Variants in KCNC1 observed in about 807,000 individuals in gnomAD.
The protein encoded by KCNC1 is potassium voltage-gated channel subfamily C member 1, also known as voltage-gated potassium channel KCNC1.
Under a neutral mutation model 43.4 loss-of-function variants are expected in KCNC1, and 8 were observed. The observed-to-expected ratio is 0.18, with a 90% CI of 0.11 to 0.33. The LOEUF is 0.33. Among genes scored for constraint, KCNC1 ranks in the 10% least tolerant of loss-of-function variants. KCNC1 has a pLI of 1.00. For missense variants in KCNC1, 420 were observed against 836.0 expected (o/e 0.50, Z 6.14); for synonymous variants, 361 against 360.5 (o/e 1.00, Z -0.01).
Position 17,737,486 on chromosome 11 carries a change from G to C in KCNC1, c.570+914G>C, listed in dbSNP as rs150848861. Among the ~76,000 whole-genome samples the C allele has an allele frequency of 1.1e-3, 162 of 152,242 alleles. 2 individuals are homozygous for C. Among genetic ancestry groups the C allele is most frequent in the Non-Finnish European group, 1.7e-3 (116 of 68,020 alleles). ...TAGGAAGAAAGGACACGCTGCTGCT[G>C]ACCTTGGTCCCTCAGATGGCCTCTC... On this transcript the variant is annotated intron_variant, in intron 1 of 3. Transcript: ENST00000265969.
intron 2 of KCNC1, among the ~76,000 whole-genome samples, chr11:17,778,653 TC>T (rs757562134): frequency 6.6e-6 from 1 of 151,846 alleles, no homozygotes; most frequent in Non-Finnish European, 1.5e-5. Context: ...GATGGAGTGG[TC>T]AAATTGGGTC....
In KCNC1 at chr11:17,777,556, T is replaced by G; in HGVS notation, c.1505-1900T>G. 1.0e-6 allele frequency: 1 copy of G among 985,846 alleles called. No homozygotes were observed. Among genetic ancestry groups the G allele is most frequent in the Non-Finnish European group, 1.2e-6 (1 of 829,946 alleles). 61.1% of individuals were successfully genotyped at this position (985,846 alleles called of 1,614,324 possible). On this transcript the variant is annotated intron_variant, in intron 2 of 3. Coordinates refer to ENST00000265969, the MANE Select transcript of KCNC1 (RefSeq NM_001112741.2). The surrounding 1 kb of genome is among the most constrained non-coding windows in gnomAD (Gnocchi z 4.3). The stretch of plus-strand genomic sequence containing the variant: ...GCCAGAGTGGGAGGCAGGACCAGCG[T>G]GTCTGCGAGCACACGTGTGTGCCTG...
Position 17,739,673 on chromosome 11 carries a change from CTGTGTGTGTG to C in KCNC1, c.570+3121_570+3130del, listed in dbSNP as rs10534547. Among the ~76,000 whole-genome samples, 139 of 143,112 alleles carry C rather than the reference CTGTGTGTGTG, an allele frequency of 9.7e-4. No individual in the cohort carries two copies. The highest frequency in any genetic ancestry group is 4.7e-3 in the East Asian group (22 of 4,666). The allele number at this position is 143,112 out of a possible 152,430, so 93.9% of individuals were successfully genotyped here. On this transcript the variant is annotated intron_variant, in intron 1 of 3. Coordinates refer to ENST00000265969, the MANE Select transcript of KCNC1 (RefSeq NM_001112741.2). The surrounding 1 kb of genome is among the most constrained non-coding windows in gnomAD (Gnocchi z 4.2). The stretch of plus-strand genomic sequence containing the variant: ...GTATATGTGGAGCTCATGTGTGAGT[CTGTGTGTGTG>C]TGTGTGTGTGTGTGTGTGTACATGC...
In KCNC1 at chr11:17,777,645, G is replaced by T; in HGVS notation, c.1505-1811G>T. ...GTCACATGGTGTCAGAGTTACCTTGGCAACTGGCCTTTTTGGTTCAGAGTA... is the reference window on the plus strand; with the variant it reads ...GTCACATGGTGTCAGAGTTACCTTGTCAACTGGCCTTTTTGGTTCAGAGTA... On this transcript the variant is annotated intron_variant, in intron 2 of 3. Coordinates refer to ENST00000265969, the MANE Select transcript of KCNC1 (RefSeq NM_001112741.2). This position sits in a 1 kb window ranked among gnomAD's most constrained non-coding sequence, Gnocchi z 4.3. The T allele has an allele frequency of 1.0e-6, 1 of 985,866 alleles. No homozygotes were observed. The highest frequency in any genetic ancestry group is 1.2e-6 in the Non-Finnish European group (1 of 829,938). 61.1% of individuals were successfully genotyped at this position (985,866 alleles called of 1,614,324 possible).
rs893598644 is a variant in KCNC1 at position 17,741,775 on chromosome 11, G to A, written c.570+5203G>A. Among the ~76,000 whole-genome samples the A allele has an allele frequency of 3.3e-5, 5 of 152,176 alleles. No individual in the cohort carries two copies. The South Asian group carries it at 6.2e-4, about 19-fold the overall frequency. On this transcript the variant is annotated intron_variant, in intron 1 of 3. Transcript: ENST00000265969. ...TACCAAACCCCAACCACCCAGCCTC[G>A]TTTCAGCTTCTTGCACCTGCCAGGT...
At chr11:17,760,492 C>T (rs546836089) in intron 1 of KCNC1, among the ~76,000 whole-genome samples, 3 of 152,230 alleles carry the variant, frequency 2.0e-5, no homozygotes, top group East Asian at 1.9e-4. Flanking sequence ...GGAGCAGGTG[C>T]GATATGGGCT....
chr11:17,756,646 A>G (rs1849026173), intron 1 of KCNC1, among the ~76,000 whole-genome samples: 3 of 151,676 alleles, frequency 2.0e-5, no homozygotes, highest in Non-Finnish European at 2.9e-5. Flanking sequence ...TTCCAAGTGG[A>G]CTCCATTCCT....
At chr11:17,744,512 G>T (rs182191001) in intron 1 of KCNC1, among the ~76,000 whole-genome samples, 2,515 of 152,200 alleles carry the variant, frequency 0.017, 37 homozygotes, top group Non-Finnish European at 0.02. Context: ...GGCAGGCACA[G>T]ACCTGGGGGG....
intron 2 of KCNC1, chr11:17,772,890 T>G: frequency 4.0e-6 from 5 of 1,252,500 alleles, no homozygotes; most frequent in East Asian, 3.5e-5. Context: ...AGGACTAACT[T>G]AGCAGGAGCC....
intron 2 of KCNC1, among the ~76,000 whole-genome samples, chr11:17,778,356 C>T (rs774375345): frequency 1.3e-5 from 2 of 152,218 alleles, no homozygotes; most frequent in Non-Finnish European, 2.9e-5. Context: ...GCCACAGAGG[C>T]CAGAACTCCA....
chr11:17,763,899 A>T (rs1849112762), intron 1 of KCNC1, among the ~76,000 whole-genome samples: 1 of 67,246 alleles, frequency 1.5e-5, no homozygotes, highest in African/African-American at 4.7e-5. Flanking sequence ...ACACCCACAC[A>T]CAAACCCCAC....
intron 1 of KCNC1, among the ~76,000 whole-genome samples, chr11:17,767,249 C>T (rs2133801450): frequency 6.9e-6 from 1 of 144,216 alleles, no homozygotes; most frequent in East Asian, 2.0e-4. Flanking sequence ...CACGCCACTG[C>T]ACTGCAGCCT....
At chr11:17,741,843 C>A (rs528192239) in intron 1 of KCNC1, among the ~76,000 whole-genome samples, 72 of 152,330 alleles carry the variant, frequency 4.7e-4, no homozygotes, top group Non-Finnish European at 7.8e-4. Flanking sequence ...CCTTCTGGAG[C>A]GCTCTTTCCT....
chr11:17,772,985 G>A (rs868512771), intron 2 of KCNC1: 25 of 1,091,106 alleles, frequency 2.3e-5, no homozygotes, highest in Middle Eastern at 4.1e-4. Flanking sequence ...GAGTGGGGGC[G>A]GGTGTGATTT....
In KCNC1 at chr11:17,773,564, G is replaced by T; in HGVS notation, c.1504+966G>T. 3.0e-6 allele frequency: 3 copies of T among 984,950 alleles called. No individual in the cohort carries two copies. Among genetic ancestry groups the T allele is most frequent in the Non-Finnish European group, 3.6e-6 (3 of 829,656 alleles). 61.0% of individuals were successfully genotyped at this position (984,950 alleles called of 1,614,324 possible). ...CCCGTGAATTCACTGGGGGCCGGGA[G>T]GGGGGAGGGGGGCATGAAACAATAC... On this transcript the variant is annotated intron_variant, in intron 2 of 3. Transcript: ENST00000265969. This position sits in a 1 kb window ranked among gnomAD's most constrained non-coding sequence, Gnocchi z 4.1.
chr11:17,764,881 G>C (rs1220438316), intron 1 of KCNC1, among the ~76,000 whole-genome samples: 1 of 152,060 alleles, frequency 6.6e-6, no homozygotes, highest in African/African-American at 2.4e-5. Flanking sequence ...CAACTCAACT[G>C]ACAATTTATT....
At position 17,779,458 on chromosome 11, in the gene KCNC1, T is replaced by C; in HGVS notation, c.1507T>C (p.Ser503Pro). ...AGCTTCTGCTTATATGTTTGAAGAT[T>C]CCAAACTGAATGGGGAGGTGGCGAA... ...EEILEINRAD[S>P]KLNGEVAKAA... The change falls in exon 3 of 4, where the codon TCC (serine) becomes CCC (proline). Residue 503 changes from serine to proline, a missense_variant and splice_region_variant. By Grantham distance (74) the Ser-to-Pro change is moderately conservative (BLOSUM62 -1). Coordinates refer to ENST00000265969, the MANE Select transcript of KCNC1 (RefSeq NM_001112741.2). This position sits in a 1 kb window ranked among gnomAD's most constrained non-coding sequence, Gnocchi z 7.2. 2 of 1,544,348 alleles carry C rather than the reference T, an allele frequency of 1.3e-6. No homozygotes were observed. The highest frequency in any genetic ancestry group is 1.7e-6 in the Non-Finnish European group (2 of 1,144,066).
At position 17,772,069 on chromosome 11, in the gene KCNC1, C is replaced by T. The variant is rs1468297192; in HGVS notation, c.975C>T (p.Thr325=). 6.2e-7 allele frequency: 1 copy of T among 1,613,132 alleles called. No homozygotes were observed. Among genetic ancestry groups the T allele is most frequent in the South Asian group, 1.1e-5 (1 of 91,060 alleles). Residue 325 remains threonine, a synonymous_variant, in exon 2 of 4, where the codon ACC becomes ACT. Transcript: ENST00000265969. ...GCATCTTGCGCATCTTTAAGCTGACCCGCCACTTTGTGGGCCTGCGGGTCC... is the reference window on the plus strand; with the variant it reads ...GCATCTTGCGCATCTTTAAGCTGACTCGCCACTTTGTGGGCCTGCGGGTCC... The part of the protein sequence containing the change: ...FVRILRIFKL[T]RHFVGLRVLG...
intron 1 of KCNC1, among the ~76,000 whole-genome samples, chr11:17,759,347 C>G (rs780695873): frequency 5.9e-5 from 9 of 152,222 alleles, no homozygotes; most frequent in Non-Finnish European, 8.8e-5. Flanking sequence ...ATCCAGAACA[C>G]TCAAACTTTC....
Sources: allele counts gnomAD v4.1 joint callset (sites outside exome capture counted in the v4.1 genomes callset), GRCh38; gene constraint gnomAD v4.1.1; non-coding constraint Gnocchi (gnomAD v3.1); transcripts MANE v1.5; gene names NCBI Gene and HGNC (gene_info 2026-07-23, HGNC 2026-07-21).